Variants in GSAP observed in about 807,000 individuals in gnomAD.
GSAP encodes the protein gamma-secretase-activating protein.
GSAP carries 118 observed loss-of-function variants against 131.7 expected under a neutral mutation model. The ratio of observed to expected loss-of-function variants is 0.90; its 90% CI spans 0.77 to 1.04. The LOEUF is 1.04. Among genes scored for constraint, GSAP ranks in the 50% least tolerant of loss-of-function variants. The pLI is 0.00. For synonymous variants in GSAP, 381 were observed against 363.4 expected (o/e 1.05, Z -0.55); for missense variants, 1,019 against 1,013.2 (o/e 1.01, Z -0.08).
chr7:77,370,967 A>G (rs114112951), intron 12 of GSAP, among the ~76,000 whole-genome samples: 1,763 of 151,960 alleles, frequency 0.012, 34 homozygotes, highest in African/African-American at 0.04. Context: ...TTTCGTTTGG[A>G]TGTTCCACCT....
At chr7:77,346,837 A>G (rs1367822378) in intron 19 of GSAP, among the ~76,000 whole-genome samples, 1 of 151,400 alleles carries the variant, frequency 6.6e-6, no homozygotes, top group African/African-American at 2.4e-5. Context: ...AATATCGGGT[A>G]TTTTAGGCTT....
At chr7:77,369,539 T>A (rs1261460617) in intron 12 of GSAP, among the ~76,000 whole-genome samples, 1 of 152,218 alleles carries the variant, frequency 6.6e-6, no homozygotes, top group African/African-American at 2.4e-5. Context: ...TAGCTTCTGA[T>A]GACCAAAATG....
intron 7 of GSAP, among the ~76,000 whole-genome samples, 181 bp downstream of exon 7, chr7:77,382,393 A>G (rs1401921984): frequency 6.6e-6 from 1 of 152,170 alleles, no homozygotes. Context: ...GCCAAAGGGA[A>G]CACCACTTGG....
intron 19 of GSAP, among the ~76,000 whole-genome samples, chr7:77,337,178 A>C (rs1378367414): frequency 6.6e-6 from 1 of 150,684 alleles, no homozygotes; most frequent in East Asian, 2.0e-4. Context: ...TGTGAGGTGG[A>C]GTCTTGCTCT....
intron 23 of GSAP, 137 bp from the exon 24 acceptor site, chr7:77,323,879 A>G: frequency 1.9e-6 from 1 of 525,114 alleles, no homozygotes; most frequent in Non-Finnish European, 3.4e-6. Flanking sequence ...ATGGAAATGC[A>G]TAACTCTCAG....
chr7:77,377,991 T>G (rs1341832963), intron 8 of GSAP, among the ~76,000 whole-genome samples: 1 of 152,236 alleles, frequency 6.6e-6, no homozygotes, highest in African/African-American at 2.4e-5. Context: ...ACACAAAGCC[T>G]TCCCTCACAT....
rs753436650 is a variant in GSAP at position 77,353,048 on chromosome 7, CA to C, written c.1409-23del. Reference sequence around the variant, plus strand: ...GAAGCTGAGTAGATTTTTTTTGAAACAGGGGGAAAAAAGATGTGGTTTAATA... The same window carrying C: ...GAAGCTGAGTAGATTTTTTTTGAAACGGGGGAAAAAAGATGTGGTTTAATA... On this transcript the variant is annotated intron_variant, in intron 17 of 30. Transcript: ENST00000257626. 2.2e-6 allele frequency: 3 copies of C among 1,350,808 alleles called. No individual in the cohort carries two copies. In the South Asian group the frequency reaches 3.5e-5, roughly 16 times the overall value. 83.7% of individuals were successfully genotyped at this position (1,350,808 alleles called of 1,614,324 possible). A position where few individuals can be genotyped will look rare whatever the true frequency, so the allele number is the denominator to read the frequency against.
At position 77,330,315 on chromosome 7, in the gene GSAP, A is replaced by C; in HGVS notation, c.1598T>G (p.Val533Gly). 2.5e-6 allele frequency: 4 copies of C among 1,613,982 alleles called. No homozygotes were observed. The highest frequency in any genetic ancestry group is 3.4e-6 in the Non-Finnish European group (4 of 1,179,912). Residue 533 changes from valine (V) to glycine (G), a missense_variant, in exon 20 of 31, where the codon GTT (valine) becomes GGT (glycine). By Grantham distance (109) the Val-to-Gly change is moderately radical. Coordinates refer to ENST00000257626, the MANE Select transcript of GSAP (RefSeq NM_017439.4). ...WEKLNSNLEYVKYAKPHFHYN... is the reference protein window; with the variant it reads ...WEKLNSNLEYGKYAKPHFHYN... ...GTGGAAGTGTGGCTTGGCGTACTTA[A>C]CATATTCTAGGTTGGAGTTCAGTTT...
chr7:77,328,255 A>C (rs1788591332), intron 22 of GSAP: 2 of 1,054,002 alleles, frequency 1.9e-6, no homozygotes, highest in East Asian at 7.3e-5. Flanking sequence ...ACCCGGTAGG[A>C]TCAGACAGCT....
At chr7:77,408,164 T>C (rs1253208452) in intron 1 of GSAP, among the ~76,000 whole-genome samples, 1 of 152,190 alleles carries the variant, frequency 6.6e-6, no homozygotes, top group Non-Finnish European at 1.5e-5. Context: ...TTGGTGAAAA[T>C]TAACTAAGCT....
At chr7:77,350,333 T>G in intron 18 of GSAP, among the ~76,000 whole-genome samples, 2 of 142,698 alleles carry the variant, frequency 1.4e-5, no homozygotes, top group African/African-American at 5.2e-5. Context: ...AAATGACGAG[T>G]TAATGGGTGC....
At chr7:77,343,427 G>A (rs1791313562) in intron 19 of GSAP, among the ~76,000 whole-genome samples, 1 of 152,104 alleles carries the variant, frequency 6.6e-6, no homozygotes. Flanking sequence ...GCACCTCCAT[G>A]CTGTTATATA....
chr7:77,355,494 A>ATT (rs1584454063), intron 15 of GSAP, 61 bp downstream of exon 15: 1 of 1,512,294 alleles, frequency 6.6e-7, no homozygotes, highest in East Asian at 2.3e-5. Flanking sequence ...CCAAACATAG[A>ATT]TATTAAAGTC....
chr7:77,387,820 G>A (rs1798809061), intron 5 of GSAP, among the ~76,000 whole-genome samples: 1 of 152,192 alleles, frequency 6.6e-6, no homozygotes. Context: ...AGATACAAGG[G>A]AGACAAATTT....
At chr7:77,350,726 G>C (rs1792740951) in intron 18 of GSAP, among the ~76,000 whole-genome samples, 1 of 152,264 alleles carries the variant, frequency 6.6e-6, no homozygotes, top group South Asian at 2.1e-4. Context: ...CTGGACGACA[G>C]AGCAAGACTC....
intron 3 of GSAP, among the ~76,000 whole-genome samples, 181 bp from the exon 4 acceptor site, chr7:77,397,596 C>T (rs1279503726): frequency 6.6e-6 from 1 of 152,104 alleles, no homozygotes; most frequent in Non-Finnish European, 1.5e-5. Context: ...AAAAAGTTTG[C>T]TATTGTAAGC....
chr7:77,407,710 A>C (rs1802539238), intron 1 of GSAP, among the ~76,000 whole-genome samples: 1 of 152,224 alleles, frequency 6.6e-6, no homozygotes, highest in African/African-American at 2.4e-5. Flanking sequence ...AAATTGGAAA[A>C]CTGGCAATAT....
In GSAP at chr7:77,376,858, T is replaced by C. The variant is rs748708894; in HGVS notation, c.731A>G (p.Tyr244Cys). 1.7e-4 allele frequency: 245 copies of C among 1,459,608 alleles called. 1 individual carries two copies. The highest frequency in any genetic ancestry group is 1.5e-5 in the Non-Finnish European group (16 of 1,058,176). The allele number at this position is 1,459,608 out of a possible 1,614,324, so 90.4% of individuals were successfully genotyped here. ...ATTTTCTGGACTTACCATTAAGTTA[T>C]AGCTCTCATCAGCATAAAACTGGAT... ...KCIQFYADES[Y>C]NLMFEVPLDI... The change falls in exon 10 of 31, where the codon TAT (tyrosine) becomes TGT (cysteine). Residue 244 changes from tyrosine (Y) to cysteine (C), a missense_variant. Coordinates refer to ENST00000257626, the MANE Select transcript of GSAP (RefSeq NM_017439.4).
chr7:77,362,297 G>A (rs952156787), intron 13 of GSAP, among the ~76,000 whole-genome samples: 6 of 152,022 alleles, frequency 3.9e-5, no homozygotes, highest in Non-Finnish European at 7.4e-5. Context: ...GACCACCCTG[G>A]GCAACATGGT....
Sources: gnomAD v4.1 joint callset for allele counts (sites outside exome capture counted in the v4.1 genomes callset) on GRCh38, gnomAD v4.1.1 for gene constraint, MANE v1.5 for transcripts, NCBI Gene and HGNC (gene_info 2026-07-23, HGNC 2026-07-21) for gene names.